CHIT1: variants seen among roughly 807,000 people sequenced by gnomAD.
The protein encoded by CHIT1 is chitotriosidase-1.
CHIT1 carries 47 observed loss-of-function variants against 52.0 expected under a neutral mutation model. The ratio of observed to expected loss-of-function variants is 0.90; its 90% CI spans 0.71 to 1.15. The LOEUF (loss-of-function observed/expected upper bound fraction) is 1.15. CHIT1 is among the 50% of genes most tolerant of loss of function. The pLI is 0.00. For missense variants in CHIT1, 569 were observed against 583.0 expected, an observed-to-expected ratio of 0.98 and a Z score of 0.25; for synonymous variants, 242 against 228.2, an observed-to-expected ratio of 1.06 and a Z score of -0.54.
intron 3 of CHIT1, 66 bp downstream of exon 3, chr1:203,225,603 C>T: frequency 6.5e-7 from 1 of 1,530,266 alleles, no homozygotes; most frequent in Non-Finnish European, 9.0e-7. Flanking sequence ...AGGTGTCTGG[C>T]TCTGGGAGGA....
intron 10 of CHIT1, 84 bp downstream of exon 10, chr1:203,217,655 G>T (rs1026578634): frequency 3.1e-6 from 5 of 1,601,342 alleles, no homozygotes; most frequent in Non-Finnish European, 3.4e-6. Flanking sequence ...AGAAGGACCC[G>T]GGACCTACAG....
intron 4 of CHIT1, 57 bp downstream of exon 4, chr1:203,224,991 A>C: frequency 6.7e-7 from 1 of 1,494,686 alleles, no homozygotes; most frequent in Non-Finnish European, 9.3e-7. Context: ...CCCTCTGGCC[A>C]GTGCACCAGG....
At chr1:203,228,456 C>G in intron 2 of CHIT1, 77 bp downstream of exon 2, 1 of 1,474,268 alleles carries the variant, frequency 6.8e-7, no homozygotes, top group South Asian at 1.2e-5. Context: ...TTGGGGAGGT[C>G]TGGCAGGGAA....
chr1:203,230,015 G>A (rs1571853790), upstream of CHIT1: 3 of 318,206 alleles, frequency 9.4e-6, no homozygotes, highest in African/African-American at 4.3e-5. Context: ...AATGACTCAC[G>A]AGTCAGGCAG....
chr1:203,219,773 C>T lies in CHIT1; in HGVS notation c.806G>A (p.Arg269His), dbSNP rs764074528. The change falls in exon 8 of 11, where the codon CGC becomes CAC. Residue 269 changes from arginine (R) to histidine (H), a missense_variant. Arg to His is a conservative substitution (Grantham distance 29, BLOSUM62 0). Coordinates refer to ENST00000367229, the MANE Select transcript of CHIT1 (RefSeq NM_003465.3). Reference protein sequence around the residue: ...KLILGMPTYGRSFTLASSSDT... With the variant: ...KLILGMPTYGHSFTLASSSDT... ...TGATGAGGAGGCCAGTGTGAAGGAG[C>T]GTCCGTAGGTAGGCATGCCAAGGAT... 5.5e-5 allele frequency: 88 copies of T among 1,613,338 alleles called. No individual in the cohort carries two copies. The highest frequency in any genetic ancestry group is 7.1e-5 in the Non-Finnish European group (84 of 1,179,950).
chr1:203,229,076 T>A (rs1250089883), intron 1 of CHIT1, among the ~76,000 whole-genome samples: 1 of 152,036 alleles, frequency 6.6e-6, no homozygotes, highest in Non-Finnish European at 1.5e-5. Flanking sequence ...AGACCTAGGG[T>A]CTGACAGGAC....
At chr1:203,227,215 C>A (rs58511176) in intron 2 of CHIT1, among the ~76,000 whole-genome samples, 1 of 152,112 alleles carries the variant, frequency 6.6e-6, no homozygotes, top group Non-Finnish European at 1.5e-5. Context: ...CACGTGGCCC[C>A]GGAGTGGTCA....
intron 1 of CHIT1, among the ~76,000 whole-genome samples, 155 bp downstream of exon 1, chr1:203,229,457 C>G (rs1304875548): frequency 6.6e-6 from 1 of 152,148 alleles, no homozygotes; most frequent in Admixed American, 6.5e-5. Flanking sequence ...AATCAAGGGA[C>G]TGCAAGCCAG....
At position 203,216,828 on chromosome 1, in the gene CHIT1, GC is replaced by G. The variant is rs1656546528; in HGVS notation, c.*60del. On this transcript the variant is annotated 3_prime_UTR_variant, in exon 11 of 11. Coordinates refer to ENST00000367229, the MANE Select transcript of CHIT1 (RefSeq NM_003465.3). ...GCGGCCCCCAGGGAAAACCCAGGAG[GC>G]AGGCTGTAGAGTGATCCTGGGCCCA... 1.2e-6 allele frequency: 2 copies of G among 1,609,690 alleles called. No homozygotes were observed. The highest frequency in any genetic ancestry group is 2.2e-5 in the South Asian group (2 of 90,668).
At chr1:203,229,559 C>A in intron 1 of CHIT1, 53 bp downstream of exon 1, 2 of 1,607,426 alleles carry the variant, frequency 1.2e-6, no homozygotes, top group South Asian at 1.1e-5. Flanking sequence ...TGAACATCCA[C>A]ATCCCCACCT....
At chr1:203,223,090 C>T in intron 6 of CHIT1, 45 bp downstream of exon 6, 1 of 1,612,786 alleles carries the variant, frequency 6.2e-7, no homozygotes, top group Non-Finnish European at 8.5e-7. Context: ...CTTGGCCTCT[C>T]TTCCCTCAGA....
In CHIT1 at chr1:203,217,062, G is replaced by A; in HGVS notation, c.1228C>T (p.His410Tyr). 1 of 1,613,746 alleles carries A rather than the reference G, an allele frequency of 6.2e-7. No homozygotes were observed. Among genetic ancestry groups the A allele is most frequent in the Non-Finnish European group, 8.5e-7 (1 of 1,180,048 alleles). The change falls in exon 11 of 11, where the codon CAT (histidine) becomes TAT (tyrosine). Residue 410 changes from histidine to tyrosine, a missense_variant. Physicochemically the swap from His to Tyr is moderately conservative, Grantham distance 83 (BLOSUM62 2). Transcript: ENST00000367229. ...GTGTCTTGTCCAGGGCTGGGGCCAT[G>A]CTCAGGTTCAGAGGGCTGACCTGGT... ...PKPGQPSEPE[H>Y]GPSPGQDTFC... is the part of the protein sequence containing the mutation.
chr1:203,221,590 C>T (rs1443152192), intron 7 of CHIT1, among the ~76,000 whole-genome samples: 1 of 152,070 alleles, frequency 6.6e-6, no homozygotes. Context: ...CACTGCATAC[C>T]CTCCTTGGTG....
intron 10 of CHIT1, chr1:203,217,450 AAG>A: frequency 7.3e-7 from 1 of 1,361,986 alleles, no homozygotes; most frequent in East Asian, 2.7e-5. Context: ...TCTCCCAGGT[AAG>A]AGAGGAACAA....
intron 5 of CHIT1, 105 bp downstream of exon 5, chr1:203,223,390 G>A (rs563267228): frequency 1.8e-4 from 288 of 1,597,338 alleles, no homozygotes; most frequent in East Asian, 7.4e-4. Flanking sequence ...ATGCAGATAC[G>A]TGAAGCAGCT....
At chr1:203,223,066 A>G in intron 6 of CHIT1, 69 bp downstream of exon 6, 3 of 1,600,558 alleles carry the variant, frequency 1.9e-6, no homozygotes, top group Non-Finnish European at 2.6e-6. Context: ...ACCCATGGGA[A>G]AGCTCAGTCT....
chr1:203,229,528 C>A, intron 1 of CHIT1, 84 bp downstream of exon 1: 2 of 1,523,028 alleles, frequency 1.3e-6, no homozygotes, highest in Non-Finnish European at 1.8e-6. Flanking sequence ...TGCTTCCTTG[C>A]AAATGGTAGC....
intron 10 of CHIT1, 130 bp downstream of exon 10, chr1:203,217,609 T>A: frequency 5.5e-6 from 8 of 1,455,402 alleles, no homozygotes; most frequent in Non-Finnish European, 7.6e-6. Flanking sequence ...ACATGAAGCT[T>A]GGGAAATTAC....
rs1156843290 is a variant in CHIT1, at chr1:203,219,708, G to C, written c.871C>G (p.Pro291Ala). 2 of 1,614,166 alleles carry C rather than the reference G, an allele frequency of 1.2e-6. No homozygotes were observed. The highest frequency in any genetic ancestry group is 1.7e-5 in the Admixed American group (1 of 60,032). ...CCTCCTTCCTTGGTGAAGGGGCCTG[G>C]AGTGCCAGACCCTGTGGCTGGGGCC... ...VGAPATGSGT[P>A]GPFTKEGGML... The change falls in exon 8 of 11, where the codon CCA becomes GCA. Residue 291 changes from proline (P) to alanine (A), a missense_variant. Transcript: ENST00000367229.
Sources: gnomAD v4.1 joint callset for allele counts (sites outside exome capture counted in the v4.1 genomes callset) on GRCh38, gnomAD v4.1.1 for gene constraint, MANE v1.5 for transcripts, NCBI Gene and HGNC (gene_info 2026-07-23, HGNC 2026-07-21) for gene names.